LPP: variants seen among roughly 807,000 people sequenced by gnomAD.
The protein encoded by LPP is LIM domain containing preferred translocation partner in lipoma.
A neutral mutation model predicts 60.4 loss-of-function variants in LPP; 38 were observed. The observed-to-expected ratio is 0.63, with a 90% CI of 0.49 to 0.83. The LOEUF is 0.83. LPP is among the 40% of genes least tolerant of loss of function. LPP has a pLI of 0.00. For synonymous variants in LPP, 328 were observed against 290.8 expected (o/e 1.13, Z -1.30); for missense variants, 902 against 783.6 (o/e 1.15, Z -1.80).
At chr3:188,257,366 C>T (rs1479962269) in intron 2 of LPP, among the ~76,000 whole-genome samples, 1 of 152,138 alleles carries the variant, frequency 6.6e-6, no homozygotes, top group Non-Finnish European at 1.5e-5. Context: ...GGGTGACGGT[C>T]GTGTTACCTC....
intron 2 of LPP, among the ~76,000 whole-genome samples, chr3:188,316,774 G>C (rs1755212657): frequency 6.6e-6 from 1 of 152,174 alleles, no homozygotes; most frequent in African/African-American, 2.4e-5. Flanking sequence ...ATGCAAAGAA[G>C]GCAAATGATT....
At chr3:188,163,738 T>C (rs1719049574) in intron 1 of LPP, among the ~76,000 whole-genome samples, 1 of 150,556 alleles carries the variant, frequency 6.6e-6, no homozygotes, top group South Asian at 2.1e-4. Flanking sequence ...GGTCAGGAGT[T>C]TGAGACCAGC....
Position 188,247,126 on chromosome 3 carries a change from G to A in LPP, c.-67+21599G>A, listed in dbSNP as rs1254502571. 21 of 970,220 alleles carry A rather than the reference G, an allele frequency of 2.2e-5. No homozygotes were observed. The Admixed American group carries it at 6.8e-4, about 31-fold the overall frequency. 60.1% of individuals were successfully genotyped at this position (970,220 alleles called of 1,614,324 possible). Reference sequence around the variant, plus strand: ...TCACTTGACCCATCTGTGAAATGGGGTAATGAGCTCTTTTCGGCATGAAGG... The same window carrying A: ...TCACTTGACCCATCTGTGAAATGGGATAATGAGCTCTTTTCGGCATGAAGG... On this transcript the variant is annotated intron_variant, in intron 2 of 11. Transcript: ENST00000617246.
intron 9 of LPP, among the ~76,000 whole-genome samples, chr3:188,800,789 ATT>A (rs1746987877): frequency 6.6e-6 from 1 of 152,028 alleles, no homozygotes; most frequent in South Asian, 2.1e-4. Context: ...CATTTTTATG[ATT>A]TTTGGTGGAT....
rs937487475 is a variant in LPP, at chr3:188,884,838, C to G, written c.*10359C>G. The stretch of plus-strand genomic sequence containing the variant: ...ACCACGTGCATGTTGCTGCAACAGG[C>G]ATTTCCGATAGAGCCGATCCATGAG... On this transcript the variant is annotated 3_prime_UTR_variant, in exon 12 of 12. Coordinates refer to ENST00000617246, the MANE Select transcript of LPP (RefSeq NM_001375462.1). 1 of 226,282 alleles carries G rather than the reference C, an allele frequency of 4.4e-6. No individual in the cohort carries two copies. The highest frequency in any genetic ancestry group is 8.8e-6 in the Non-Finnish European group (1 of 113,730). The allele number at this position is 226,282 out of a possible 1,614,324, so 14.0% of individuals were successfully genotyped here. A position where few individuals can be genotyped will look rare whatever the true frequency, so the allele number is the denominator to read the frequency against.
chr3:188,629,358 A>G lies in LPP; in HGVS notation c.1113+19514A>G, dbSNP rs180762475. ...GCCTAAAAGCTCCTTGATCTGATAA[A>G]CAACTTCAGCAAAGTTCTAGACAGA... On this transcript the variant is annotated intron_variant, in intron 7 of 11. Coordinates refer to ENST00000617246, the MANE Select transcript of LPP (RefSeq NM_001375462.1). 2.6e-5 allele frequency among the ~76,000 whole-genome samples: 4 copies of G among 152,262 alleles called. No individual in the cohort carries two copies. In the East Asian group the frequency reaches 7.7e-4, roughly 29 times the overall value.
At chr3:188,655,877 G>A (rs533481058) in intron 7 of LPP, among the ~76,000 whole-genome samples, 9 of 152,012 alleles carry the variant, frequency 5.9e-5, no homozygotes, top group African/African-American at 2.2e-4. Flanking sequence ...AGGTGCAAGC[G>A]GTGCTAATCT....
intron 5 of LPP, among the ~76,000 whole-genome samples, chr3:188,506,400 A>AT (rs1324345333): frequency 1.3e-5 from 2 of 152,106 alleles, no homozygotes; most frequent in African/African-American, 4.8e-5. Flanking sequence ...ATGCTGTTTG[A>AT]TTTTTTCTGC....
At chr3:188,512,395 A>G (rs1815966217) in intron 5 of LPP, among the ~76,000 whole-genome samples, 1 of 152,062 alleles carries the variant, frequency 6.6e-6, no homozygotes, top group Admixed American at 6.5e-5. Context: ...CCATCTAAAA[A>G]TACAAAATTA....
intron 4 of LPP, among the ~76,000 whole-genome samples, chr3:188,437,116 T>A (rs952389776): frequency 6.6e-6 from 1 of 152,278 alleles, no homozygotes; most frequent in Non-Finnish European, 1.5e-5. Flanking sequence ...CTGCTTACCA[T>A]GGTAATAATT....
intron 9 of LPP, among the ~76,000 whole-genome samples, chr3:188,801,656 C>T (rs1001665168): frequency 2.0e-5 from 3 of 152,080 alleles, no homozygotes; most frequent in Non-Finnish European, 4.4e-5. Context: ...TACCCAGATC[C>T]GTGATGTCTT....
rs1725265769 is a variant in LPP at position 188,182,365 on chromosome 3, A to G, written c.-190+28113A>G. The stretch of plus-strand genomic sequence containing the variant: ...TTACTGTAGAGCTCACCTCTGCTAT[A>G]TTCATCATGTACTTATTTATAGTCA... On this transcript the variant is annotated intron_variant, in intron 1 of 11. Transcript: ENST00000617246. The surrounding 1 kb of genome is among the most constrained non-coding windows in gnomAD (Gnocchi z 4.4). 6.6e-6 allele frequency among the ~76,000 whole-genome samples: 1 copy of G among 152,134 alleles called. No individual in the cohort carries two copies.
intron 3 of LPP, among the ~76,000 whole-genome samples, chr3:188,362,509 A>G (rs1769766173): frequency 6.6e-6 from 1 of 152,054 alleles, no homozygotes; most frequent in African/African-American, 2.4e-5. Context: ...TTGTTTCCTG[A>G]TACTTTTACA....
At chr3:188,697,015 T>G (rs1863394403) in intron 7 of LPP, among the ~76,000 whole-genome samples, 1 of 152,232 alleles carries the variant, frequency 6.6e-6, no homozygotes, top group Non-Finnish European at 1.5e-5. Flanking sequence ...TAAGCTTATC[T>G]TCTTACCATG....
chr3:188,760,957 A>T (rs1171257628), intron 9 of LPP, among the ~76,000 whole-genome samples: 4 of 152,188 alleles, frequency 2.6e-5, no homozygotes, highest in Admixed American at 1.3e-4. Context: ...CAGTCATGTT[A>T]CCTTAGCGTT....
chr3:188,363,151 A>G (rs1173269854), intron 3 of LPP, among the ~76,000 whole-genome samples: 1 of 152,168 alleles, frequency 6.6e-6, no homozygotes, highest in South Asian at 2.1e-4. Flanking sequence ...AGAATTTGTC[A>G]TCTGAGAATT....
At chr3:188,368,845 C>T (rs1772114353) in intron 3 of LPP, among the ~76,000 whole-genome samples, 1 of 152,022 alleles carries the variant, frequency 6.6e-6, no homozygotes, top group African/African-American at 2.4e-5. Flanking sequence ...CTTCATCTAC[C>T]TCGGGTCAGT....
chr3:188,455,072 C>A (rs1448655874), intron 4 of LPP, among the ~76,000 whole-genome samples: 1 of 152,166 alleles, frequency 6.6e-6, no homozygotes, highest in East Asian at 1.9e-4. Flanking sequence ...TTTGCAAGAT[C>A]TGAGCTAGAA....
chr3:188,535,734 G>A (rs1823401552), intron 6 of LPP, among the ~76,000 whole-genome samples: 1 of 152,102 alleles, frequency 6.6e-6, no homozygotes. Flanking sequence ...AGAAGATGAT[G>A]TTATCATGAG....
Sources: allele counts gnomAD v4.1 joint callset (sites outside exome capture counted in the v4.1 genomes callset), GRCh38; gene constraint gnomAD v4.1.1; non-coding constraint Gnocchi (gnomAD v3.1); transcripts MANE v1.5; gene names NCBI Gene and HGNC (gene_info 2026-07-23, HGNC 2026-07-21).